Variants in GLIS3 observed in about 807,000 individuals in gnomAD.
The protein encoded by GLIS3 is zinc finger protein GLIS3.
A neutral mutation model predicts 78.6 loss-of-function variants in GLIS3; 53 were observed. That is an observed-to-expected ratio of 0.67 (90% confidence interval 0.54 to 0.85). The LOEUF (loss-of-function observed/expected upper bound fraction) is 0.85. GLIS3 is among the 40% of genes least tolerant of loss of function. The pLI, the probability that GLIS3 is intolerant of heterozygous loss-of-function variation, is 0.00. For missense variants in GLIS3, 1,703 were observed against 1,231.1 expected, an observed-to-expected ratio of 1.38 and a Z score of -5.74; for synonymous variants, 684 against 509.9, an observed-to-expected ratio of 1.34 and a Z score of -4.60.
At position 4,118,971 on chromosome 9, in the gene GLIS3, A is replaced by T; in HGVS notation, c.597-90T>A. On this transcript the variant is annotated intron_variant, in intron 3 of 10. Transcript: ENST00000381971. This position sits in a 1 kb window ranked among gnomAD's most constrained non-coding sequence, Gnocchi z 4.7. The stretch of plus-strand genomic sequence containing the variant: ...TAAGAGCTAAAAGAACACTGCATTG[A>T]CAATCCCTTAAGTATTTCCCCTAAT... 1 of 1,327,268 alleles carries T rather than the reference A, an allele frequency of 7.5e-7. No individual in the cohort carries two copies. The highest frequency in any genetic ancestry group is 1.0e-6 in the Non-Finnish European group (1 of 956,454). The allele number at this position is 1,327,268 out of a possible 1,614,324, so 82.2% of individuals were successfully genotyped here. A position where few individuals can be genotyped will look rare whatever the true frequency, so the allele number is the denominator to read the frequency against.
At chr9:3,991,532 T>C (rs896003984) in intron 4 of GLIS3, among the ~76,000 whole-genome samples, 1 of 152,150 alleles carries the variant, frequency 6.6e-6, no homozygotes, top group East Asian at 1.9e-4. Context: ...CTTAACTTCC[T>C]ATATCTTAAT....
At chr9:4,169,248 C>T (rs1586865002) in intron 2 of GLIS3, among the ~76,000 whole-genome samples, 1 of 152,318 alleles carries the variant, frequency 6.6e-6, no homozygotes, top group Middle Eastern at 3.4e-3. Context: ...AAGATTTCTA[C>T]TTTGTATTCA....
intron 4 of GLIS3, among the ~76,000 whole-genome samples, chr9:4,092,713 C>T (rs530546599): frequency 6.6e-6 from 1 of 152,218 alleles, no homozygotes; most frequent in South Asian, 2.1e-4. Context: ...AATAACAATG[C>T]TTTCTTTTGA....
At chr9:4,127,795 A>G (rs1832685337) in intron 2 of GLIS3, among the ~76,000 whole-genome samples, 1 of 152,174 alleles carries the variant, frequency 6.6e-6, no homozygotes, top group African/African-American at 2.4e-5. Flanking sequence ...TTAATGTCAT[A>G]TATTTATCTA....
chr9:4,349,809 G>A (rs533501715), upstream of GLIS3, among the ~76,000 whole-genome samples: 1 of 152,308 alleles, frequency 6.6e-6, no homozygotes, highest in Non-Finnish European at 1.5e-5. Flanking sequence ...ATTCATGGTG[G>A]CAAGAAGAAA....
upstream of GLIS3, among the ~76,000 whole-genome samples, chr9:4,302,324 T>C (rs1370404475): frequency 2.0e-5 from 3 of 152,232 alleles, no homozygotes; most frequent in African/African-American, 7.2e-5. Context: ...CAGTGTTGTA[T>C]GTGCCTCAAC....
chr9:3,895,524 T>C (rs1363213711), intron 7 of GLIS3, among the ~76,000 whole-genome samples: 2 of 152,226 alleles, frequency 1.3e-5, no homozygotes, highest in Non-Finnish European at 2.9e-5. Context: ...CCTCAAGTGA[T>C]ATTTGGCTGC....
At chr9:4,367,861 A>G in the GLIS3 span, among the ~76,000 whole-genome samples, 1 of 152,202 alleles carries the variant, frequency 6.6e-6, no homozygotes, top group Non-Finnish European at 1.5e-5. Context: ...CAATTCATGT[A>G]ATCTTCATTT....
the GLIS3 span, among the ~76,000 whole-genome samples, chr9:4,439,645 T>G: frequency 6.6e-6 from 1 of 152,224 alleles, no homozygotes; most frequent in Non-Finnish European, 1.5e-5. Context: ...CTTGTTTAGA[T>G]TTCACATGAG....
the GLIS3 span, among the ~76,000 whole-genome samples, chr9:4,435,489 C>A: frequency 1.2e-4 from 18 of 152,186 alleles, no homozygotes; most frequent in Non-Finnish European, 2.2e-4. Flanking sequence ...ATCTCCTGAC[C>A]CTTGTCACAA....
At chr9:4,144,821 G>C (rs1030197353) in intron 2 of GLIS3, 7 of 152,092 alleles carry the variant, frequency 4.6e-5, no homozygotes, top group African/African-American at 1.7e-4. Flanking sequence ...CTCACAATGA[G>C]AACATAACAA....
intron 9 of GLIS3, among the ~76,000 whole-genome samples, chr9:3,837,692 C>T (rs1382035504): frequency 6.6e-6 from 1 of 152,214 alleles, no homozygotes; most frequent in Non-Finnish European, 1.5e-5. Flanking sequence ...CTACATGCTG[C>T]ATGACTCCAA....
At chr9:3,903,858 G>A (rs1324093977) in intron 6 of GLIS3, among the ~76,000 whole-genome samples, 1 of 152,150 alleles carries the variant, frequency 6.6e-6, no homozygotes, top group African/African-American at 2.4e-5. Flanking sequence ...TTGAGGAGTT[G>A]GAGAAATTAG....
chr9:3,888,740 AC>A (rs559315060), intron 7 of GLIS3, among the ~76,000 whole-genome samples: 62 of 152,160 alleles, frequency 4.1e-4, no homozygotes, highest in Non-Finnish European at 7.9e-4. Context: ...GCTTCAGGTT[AC>A]CTCCTAGCTT....
chr9:4,053,691 G>C (rs1383110101), intron 4 of GLIS3, among the ~76,000 whole-genome samples: 1 of 55,962 alleles, frequency 1.8e-5, no homozygotes, highest in Admixed American at 2.3e-4. Flanking sequence ...GTGCCTACTT[G>C]TTTTCTTTCT....
intron 1 of GLIS3, among the ~76,000 whole-genome samples, chr9:4,299,080 T>C (rs1816878775): frequency 6.6e-6 from 1 of 152,080 alleles, no homozygotes; most frequent in Non-Finnish European, 1.5e-5. Context: ...CTCTGCCCGC[T>C]CTACTTGAAA....
intron 2 of GLIS3, among the ~76,000 whole-genome samples, chr9:4,155,413 CGT>C (rs1834978690): frequency 1.3e-5 from 2 of 152,318 alleles, no homozygotes; most frequent in East Asian, 3.9e-4. Flanking sequence ...GTGACCTGGC[CGT>C]GGCGTAGATT....
At chr9:3,867,579 A>G (rs960582286) in intron 8 of GLIS3, among the ~76,000 whole-genome samples, 10 of 152,260 alleles carry the variant, frequency 6.6e-5, no homozygotes, top group Non-Finnish European at 2.9e-5. Flanking sequence ...CAAAATAGGA[A>G]GAGGCCACCA....
chr9:4,204,435 A>G (rs1403130983), intron 2 of GLIS3, among the ~76,000 whole-genome samples: 1 of 152,144 alleles, frequency 6.6e-6, no homozygotes, highest in African/African-American at 2.4e-5. Context: ...CAGAATATGA[A>G]AGGAACCAGT....
Sources: gnomAD v4.1 joint callset for allele counts (sites outside exome capture counted in the v4.1 genomes callset) on GRCh38, gnomAD v4.1.1 for gene constraint, Gnocchi (gnomAD v3.1) non-coding constraint, MANE v1.5 for transcripts, NCBI Gene and HGNC (gene_info 2026-07-23, HGNC 2026-07-21) for gene names.